KRT2: variants seen among roughly 807,000 people sequenced by gnomAD.
The protein encoded by KRT2 is keratin, type II cytoskeletal 2 epidermal.
In KRT2, 37 loss-of-function variants were observed where a neutral mutation model predicts 48.5. That is an observed-to-expected ratio of 0.76 (90% CI 0.59 to 1.00). The LOEUF (loss-of-function observed/expected upper bound fraction) is 1.00. Among genes scored for constraint, KRT2 ranks in the 50% least tolerant of loss-of-function variants. KRT2 has a pLI of 0.00. For synonymous variants in KRT2, 324 were observed against 312.2 expected (o/e 1.04, Z -0.40); for missense variants, 880 against 815.2 (o/e 1.08, Z -0.97).
At chr12:52,646,361 C>A (rs1371647863) in intron 7 of KRT2, among the ~76,000 whole-genome samples, 5 of 152,248 alleles carry the variant, frequency 3.3e-5, no homozygotes, top group Non-Finnish European at 7.3e-5. Flanking sequence ...GAGACATCAT[C>A]TCCCCCATTC....
At chr12:52,649,146 G>T in intron 3 of KRT2, 44 bp from the exon 4 acceptor site, 1 of 1,203,448 alleles carries the variant, frequency 8.3e-7, no homozygotes, top group Non-Finnish European at 1.2e-6. Flanking sequence ...TCCCTGTACA[G>T]GCCTCTTCCT....
intron 1 of KRT2, among the ~76,000 whole-genome samples, chr12:52,651,053 G>A (rs76834870): frequency 0.011 from 1,639 of 152,274 alleles, 29 homozygotes; most frequent in African/African-American, 0.037. Flanking sequence ...TAGGAGAAAA[G>A]CCAGTAACAC....
rs978464279 is a variant in KRT2 at position 52,649,943 on chromosome 12, C to T, written c.832G>A (p.Ala278Thr). The change falls in exon 3 of 9, where the codon GCT becomes ACT. Residue 278 changes from alanine to threonine, a missense_variant. Transcript: ENST00000309680. ...YEDEINKRTA[A>T]ENDFVTLKKD... is the part of the protein sequence containing the mutation. ...TTAAGCGTCACAAAATCATTCTCAG[C>T]AGCTGTGCGCTTATTGATTTCATCC... is the stretch of plus-strand genomic sequence containing the variant. The T allele has an allele frequency of 4.3e-6, 7 of 1,613,678 alleles. No individual in the cohort carries two copies. Among genetic ancestry groups the T allele is most frequent in the African/African-American group, 1.3e-5 (1 of 74,920 alleles).
intron 4 of KRT2, 40 bp from the exon 5 acceptor site, chr12:52,648,377 T>C: frequency 6.3e-7 from 1 of 1,577,562 alleles, no homozygotes; most frequent in Non-Finnish European, 8.7e-7. Flanking sequence ...CATCCTGCCA[T>C]AGCTACAGGC....
At chr12:52,648,141 G>A (rs1195110252) in intron 5 of KRT2, 32 bp downstream of exon 5, 14 of 1,611,424 alleles carry the variant, frequency 8.7e-6, no homozygotes, top group Non-Finnish European at 1.2e-5. Flanking sequence ...ATGGCAGGGA[G>A]CTGTGGCTCT....
At position 52,645,117 on chromosome 12, in the gene KRT2, A is replaced by C; in HGVS notation, c.1822T>G (p.Ser608Ala). ...SGGGSRGGSSSGGGYGSGGGG... is the reference protein window; with the variant it reads ...SGGGSRGGSSAGGGYGSGGGG... ...CCTCCAGAGCCATATCCTCCTCCAGAGCTGGAGCCTCCTCTAGAGCCACCT... is the reference window on the plus strand; with the variant it reads ...CCTCCAGAGCCATATCCTCCTCCAGCGCTGGAGCCTCCTCTAGAGCCACCT... The change falls in exon 9 of 9, where the codon TCT becomes GCT. Residue 608 changes from serine (S) to alanine (A), a missense_variant. Transcript: ENST00000309680. 3 of 1,613,670 alleles carry C rather than the reference A, an allele frequency of 1.9e-6. No individual in the cohort carries two copies. The highest frequency in any genetic ancestry group is 2.5e-6 in the Non-Finnish European group (3 of 1,179,924).
intron 5 of KRT2, 55 bp from the exon 6 acceptor site, chr12:52,647,910 C>T: frequency 6.2e-7 from 1 of 1,610,396 alleles, no homozygotes; most frequent in Non-Finnish European, 8.5e-7. Flanking sequence ...GGCTCACATT[C>T]CAGACTGACT....
chr12:52,651,029 C>A (rs575425262), intron 1 of KRT2, among the ~76,000 whole-genome samples: 1 of 152,284 alleles, frequency 6.6e-6, no homozygotes, highest in African/African-American at 2.4e-5. Flanking sequence ...AAGACAGGTT[C>A]GTCTGCCTTG....
Position 52,652,004 on chromosome 12 carries a change from C to T in KRT2, c.139G>A (p.Gly47Ser). Residue 47 changes from glycine to serine, a missense_variant, in exon 1 of 9, where the codon GGT (glycine) becomes AGT (serine). Transcript: ENST00000309680. ...CCACCGAAGCCCCCGCCACCACCAC[C>T]ATGGCGGCTCAAGCAGGAGAAGCTG... ...TSSFSCLSRH[G>S]GGGGGFGGGG... is the part of the protein sequence containing the mutation. 1.2e-6 allele frequency: 2 copies of T among 1,611,708 alleles called. No individual in the cohort carries two copies. Among genetic ancestry groups the T allele is most frequent in the South Asian group, 2.2e-5 (2 of 91,068 alleles).
chr12:52,647,006 CAG>C (rs1941177321), intron 6 of KRT2, 46 bp from the exon 7 acceptor site: 2 of 1,561,900 alleles, frequency 1.3e-6, no homozygotes, highest in Admixed American at 1.7e-5. Context: ...CGGAGGCGGA[CAG>C]AGAGCAGAGG....
chr12:52,645,471 C>G, intron 8 of KRT2, 37 bp from the exon 9 acceptor site: 1 of 1,614,074 alleles, frequency 6.2e-7, no homozygotes, highest in Non-Finnish European at 8.5e-7. Flanking sequence ...GAGATTATGA[C>G]TGCCTCTCCC....
chr12:52,651,592 G>C lies in KRT2; in HGVS notation c.551C>G (p.Thr184Ser). 1 of 1,614,144 alleles carries C rather than the reference G, an allele frequency of 6.2e-7. No individual in the cohort carries two copies. The highest frequency in any genetic ancestry group is 8.5e-7 in the Non-Finnish European group (1 of 1,180,024). ...VKAQEREQIK[T>S]LNNKFASFID... ...GAAGGAGGCAAATTTGTTGTTGAGA[G>C]TTTTGATCTGCTCACGCTCTTGGGC... The change falls in exon 1 of 9, where the codon ACT becomes AGT. Residue 184 changes from threonine to serine, a missense_variant. Thr to Ser is a moderately conservative substitution (Grantham distance 58). Coordinates refer to ENST00000309680, the MANE Select transcript of KRT2 (RefSeq NM_000423.3).
chr12:52,649,479 G>C (rs1230190505), intron 3 of KRT2, among the ~76,000 whole-genome samples: 1 of 152,102 alleles, frequency 6.6e-6, no homozygotes, highest in Non-Finnish European at 1.5e-5. Context: ...AATTTCCCCA[G>C]AATATACACC....
chr12:52,647,932 G>T lies in KRT2; in HGVS notation c.1123-77C>A. The T allele has an allele frequency of 1.9e-6, 3 of 1,588,324 alleles. No homozygotes were observed. In the South Asian group the frequency reaches 3.4e-5, roughly 18 times the overall value. On this transcript the variant is annotated intron_variant, in intron 5 of 8. Coordinates refer to ENST00000309680, the MANE Select transcript of KRT2 (RefSeq NM_000423.3). ...ATTCCAGACTGACTGGAGTGAAGGA[G>T]AGCTGGTTACTGGTCCAGGGAGGGT...
intron 5 of KRT2, 108 bp downstream of exon 5, chr12:52,648,065 A>G (rs1941194942): frequency 1.5e-6 from 2 of 1,353,306 alleles, no homozygotes; most frequent in Non-Finnish European, 2.1e-6. Flanking sequence ...ATGGTGCCCA[A>G]CTACCATTAA....
chr12:52,648,930 T>C, intron 4 of KRT2, 77 bp downstream of exon 4: 4 of 988,160 alleles, frequency 4.0e-6, no homozygotes, highest in Non-Finnish European at 6.5e-6. Flanking sequence ...TTCTGCCACT[T>C]TTTCACCAAG....
chr12:52,649,082 C>T lies in KRT2; in HGVS notation c.882G>A (p.Met294Ile). ...CCTTGGACTGCAACTCCACCTTTAT[C>T]ATGTAGGCATTGTCCACGTCCTGCA... ...TLKKDVDNAY[M>I]IKVELQSKVD... The change falls in exon 4 of 9, where the codon ATG becomes ATA. Residue 294 changes from methionine to isoleucine, a missense_variant. Coordinates refer to ENST00000309680, the MANE Select transcript of KRT2 (RefSeq NM_000423.3). The T allele has an allele frequency of 6.2e-7, 1 of 1,612,534 alleles. No individual in the cohort carries two copies. The highest frequency in any genetic ancestry group is 8.5e-7 in the Non-Finnish European group (1 of 1,178,622).
chr12:52,647,326 C>T (rs775333246), intron 6 of KRT2, among the ~76,000 whole-genome samples: 51 of 152,336 alleles, frequency 3.3e-4, no homozygotes, highest in Non-Finnish European at 5.6e-4. Flanking sequence ...TAACGTCCAG[C>T]CCCAGGCCAG....
In KRT2 at chr12:52,647,807, C is replaced by A; in HGVS notation, c.1171G>T (p.Glu391Ter). 6.2e-7 allele frequency: 1 copy of A among 1,614,164 alleles called. No homozygotes were observed. Among genetic ancestry groups the A allele is most frequent in the African/African-American group, 1.3e-5 (1 of 75,062 alleles). Residue 391 changes from glutamate (E) to a stop codon, truncating the protein, a stop_gained, in exon 6 of 9, where the codon GAG becomes TAG. Coordinates refer to ENST00000309680, the MANE Select transcript of KRT2 (RefSeq NM_000423.3). LOFTEE classifies it high-confidence loss of function. ...AGCTCGCTGATCTCTATCTTGATCT[C>A]TTTCAGGCTGTCTCCATGTCTCCCG... ...TVGRHGDSLK[E>*]IKIEISELNR...
Sources: allele counts gnomAD v4.1 joint callset (sites outside exome capture counted in the v4.1 genomes callset), GRCh38; gene constraint gnomAD v4.1.1; transcripts MANE v1.5; gene names NCBI Gene and HGNC (gene_info 2026-07-23, HGNC 2026-07-21).